The following GRM5 variants were observed in gnomAD, a reference collection of about 807,000 sequenced individuals.
The protein encoded by GRM5 is glutamate metabotropic receptor 5.
In GRM5, 19 loss-of-function variants were observed where a neutral mutation model predicts 83.1. The observed-to-expected ratio is 0.23, with a 90% CI of 0.16 to 0.34. The LOEUF is 0.34. Ranked by LOEUF, GRM5 falls within the 10% of genes least tolerant of loss-of-function variation. The pLI is 1.00. For synonymous variants in GRM5, 675 were observed against 633.6 expected, an observed-to-expected ratio of 1.07 and a Z score of -0.98; for missense variants, 1,160 against 1,588.3, an observed-to-expected ratio of 0.73 and a Z score of 4.58.
intron 3 of GRM5, among the ~76,000 whole-genome samples, chr11:88,773,814 T>A (rs576820259): frequency 6.6e-6 from 1 of 152,308 alleles, no homozygotes; most frequent in Admixed American, 6.5e-5. Context: ...GGTCTATACA[T>A]CTGTTTTGGT....
At chr11:89,023,796 G>C (rs1223124904) in intron 2 of GRM5, among the ~76,000 whole-genome samples, 1 of 151,832 alleles carries the variant, frequency 6.6e-6, no homozygotes, top group Non-Finnish European at 1.5e-5. Context: ...GTTGCAGTGA[G>C]CCAAGATCAC....
intron 3 of GRM5, among the ~76,000 whole-genome samples, chr11:88,708,632 G>C (rs910354585): frequency 1.3e-5 from 2 of 152,008 alleles, no homozygotes; most frequent in Admixed American, 1.3e-4. Context: ...GTATGTAAAA[G>C]TTCCTCCCAC....
At position 88,509,314 on chromosome 11, in the gene GRM5, C is replaced by T. The variant is rs200967678; in HGVS notation, c.2917G>A (p.Gly973Ser). Reference sequence around the variant, plus strand: ...CCCGCACCGCCCGTGGCCCCCACGCCCCCAGCGCTCCCGCCTGCGCCAGCG... The same window carrying T: ...CCCGCACCGCCCGTGGCCCCCACGCTCCCAGCGCTCCCGCCTGCGCCAGCG... The part of the protein sequence containing the change: ...AGAGAGGSAG[G>S]VGATGGAGCA... Residue 973 changes from glycine (G) to serine (S), a missense_variant, in exon 10 of 10, where the codon GGC becomes AGC. Transcript: ENST00000305447. 128 of 1,584,750 alleles carry T rather than the reference C, an allele frequency of 8.1e-5. No homozygotes were observed. The highest frequency in any genetic ancestry group is 7.0e-5 in the Non-Finnish European group (82 of 1,167,834).
chr11:88,950,946 T>A (rs1488979933), intron 2 of GRM5, among the ~76,000 whole-genome samples: 1 of 152,238 alleles, frequency 6.6e-6, no homozygotes, highest in Non-Finnish European at 1.5e-5. Flanking sequence ...GCAGTTATAC[T>A]CCAGTTTTAT....
At chr11:89,009,918 A>AAAAAAC (rs1555059688) in intron 2 of GRM5, among the ~76,000 whole-genome samples, 1,539 of 136,124 alleles carry the variant, frequency 0.011, 137 homozygotes, top group African/African-American at 0.047. Context: ...AAAAAAAAAA[A>AAAAAAC]AAAAAAAAAA....
At chr11:89,005,039 G>A (rs1016814221) in intron 2 of GRM5, among the ~76,000 whole-genome samples, 27 of 152,172 alleles carry the variant, frequency 1.8e-4, no homozygotes, top group African/African-American at 5.8e-4. Context: ...ACTGCCTCTA[G>A]GCTTAGGACA....
chr11:88,839,147 A>C (rs1430586078), intron 3 of GRM5, among the ~76,000 whole-genome samples: 1 of 152,208 alleles, frequency 6.6e-6, no homozygotes, highest in Non-Finnish European at 1.5e-5. Context: ...TAAATCACCT[A>C]TCCTACCTGG....
intron 2 of GRM5, among the ~76,000 whole-genome samples, chr11:88,890,721 T>C (rs936361175): frequency 6.6e-5 from 10 of 152,054 alleles, no homozygotes; most frequent in African/African-American, 2.4e-4. Context: ...ACACATGGAG[T>C]TAGATGCTAG....
chr11:88,622,074 C>A (rs1179810743), intron 4 of GRM5, among the ~76,000 whole-genome samples: 1 of 103,434 alleles, frequency 9.7e-6, no homozygotes, highest in Non-Finnish European at 2.0e-5. Flanking sequence ...CATAGATATT[C>A]CTTTAAAATC....
intron 2 of GRM5, among the ~76,000 whole-genome samples, chr11:88,888,679 A>C (rs577626151): frequency 6.6e-6 from 1 of 152,296 alleles, no homozygotes; most frequent in Non-Finnish European, 1.5e-5. Flanking sequence ...CAAACCGGTA[A>C]AAGAAATAAT....
At chr11:88,627,586 T>C (rs1938837280) in intron 4 of GRM5, among the ~76,000 whole-genome samples, 1 of 152,178 alleles carries the variant, frequency 6.6e-6, no homozygotes, top group Non-Finnish European at 1.5e-5. Flanking sequence ...TGAAATATTT[T>C]AAGCAGAACT....
rs771707791 is a variant in GRM5 at position 88,567,435 on chromosome 11, A to G, written c.2248T>C (p.Leu750=). 3 of 1,614,184 alleles carry G rather than the reference A, an allele frequency of 1.9e-6. No individual in the cohort carries two copies. The highest frequency in any genetic ancestry group is 1.3e-5 in the African/African-American group (1 of 75,070). Residue 750 remains leucine (L), a synonymous_variant, in exon 8 of 10, where the codon TTG becomes CTG. Coordinates refer to ENST00000305447, the MANE Select transcript of GRM5 (RefSeq NM_001143831.3). This position sits in a 1 kb window ranked among gnomAD's most constrained non-coding sequence, Gnocchi z 7.3. ...VVTPLGYNGL[L]ILSCTFYAFK... is the part of the protein sequence containing the mutation. ...GCATAGAAGGTGCAGCTCAAAATCA[A>G]CAATCCATTGTATCCAAGTGGAGTG... is the stretch of plus-strand genomic sequence containing the variant.
intron 2 of GRM5, among the ~76,000 whole-genome samples, chr11:89,029,499 C>T (rs970649954): frequency 2.6e-4 from 40 of 152,256 alleles, no homozygotes; most frequent in Admixed American, 3.3e-4. Context: ...CATATACATA[C>T]ATATAGCATA....
At chr11:88,570,559 A>ATATATATATATATATATG (rs1425158366) in intron 7 of GRM5, among the ~76,000 whole-genome samples, 1 of 71,692 alleles carries the variant, frequency 1.4e-5, no homozygotes, top group African/African-American at 1.0e-4. Context: ...TAATATATAT[A>ATATATATATATATATATG]TATATATATA....
At chr11:88,725,249 A>G (rs2135400198) in intron 3 of GRM5, among the ~76,000 whole-genome samples, 1 of 152,250 alleles carries the variant, frequency 6.6e-6, no homozygotes, top group Non-Finnish European at 1.5e-5. Context: ...TTCCCCTCAC[A>G]GTGTAAACAA....
intron 2 of GRM5, among the ~76,000 whole-genome samples, chr11:89,009,682 G>T (rs1192539723): frequency 6.6e-6 from 1 of 151,598 alleles, no homozygotes. Flanking sequence ...GGATCACGAG[G>T]TCAGGAGATC....
At chr11:88,999,058 C>T (rs1940284625) in intron 2 of GRM5, among the ~76,000 whole-genome samples, 1 of 152,016 alleles carries the variant, frequency 6.6e-6, no homozygotes, top group Non-Finnish European at 1.5e-5. Context: ...AAACTGGATC[C>T]CTTCCTTACA....
intron 7 of GRM5, among the ~76,000 whole-genome samples, chr11:88,583,364 C>A (rs1943252745): frequency 3.3e-5 from 5 of 152,292 alleles, no homozygotes; most frequent in South Asian, 2.1e-4. Context: ...CTCAGGGAAC[C>A]AAAGGAACTT....
chr11:88,589,608 C>T (rs1375776003), intron 7 of GRM5, among the ~76,000 whole-genome samples: 1 of 152,128 alleles, frequency 6.6e-6, no homozygotes, highest in Non-Finnish European at 1.5e-5. Flanking sequence ...ATCTTCTAGC[C>T]TCTAGAAGTT....
Sources: allele counts gnomAD v4.1 joint callset (sites outside exome capture counted in the v4.1 genomes callset), GRCh38; gene constraint gnomAD v4.1.1; non-coding constraint Gnocchi (gnomAD v3.1); transcripts MANE v1.5; gene names NCBI Gene and HGNC (gene_info 2026-07-23, HGNC 2026-07-21).